ADCY3: variants seen among roughly 807,000 people sequenced by gnomAD.
ADCY3 encodes adenylate cyclase 3.
In ADCY3, 70 loss-of-function variants were observed where a neutral mutation model predicts 119.4. The ratio of observed to expected loss-of-function variants is 0.59; its 90% confidence interval spans 0.48 to 0.72. The LOEUF is 0.72. ADCY3 is among the 30% of genes least tolerant of loss of function. ADCY3 has a pLI of 0.00. For synonymous variants in ADCY3, 672 were observed against 621.4 expected, an observed-to-expected ratio of 1.08 and a Z score of -1.21; for missense variants, 1,238 against 1,541.6, an observed-to-expected ratio of 0.80 and a Z score of 3.30.
chr2:24,830,932 C>CA, intron 12 of ADCY3, 107 bp from the exon 13 acceptor site: 1 of 855,730 alleles, frequency 1.2e-6, no homozygotes, highest in African/African-American at 1.7e-5. Context: ...CCAGGAGCCT[C>CA]AAAACGGACT....
intron 13 of ADCY3, among the ~76,000 whole-genome samples, chr2:24,829,622 CT>C (rs1362581979): frequency 2.7e-5 from 4 of 150,902 alleles, no homozygotes. Flanking sequence ...GGGGTTTCAA[CT>C]GTGTTAGCCA....
At chr2:24,868,414 C>T (rs1572937858) in intron 3 of ADCY3, among the ~76,000 whole-genome samples, 1 of 152,208 alleles carries the variant, frequency 6.6e-6, no homozygotes, top group South Asian at 2.1e-4. Flanking sequence ...GGGCTCACGC[C>T]TGTAATCCCA....
At chr2:24,825,334 C>CGGGGGGGGGGGGGGGG (rs768838126) in intron 16 of ADCY3, among the ~76,000 whole-genome samples, 2 of 81,574 alleles carry the variant, frequency 2.5e-5, no homozygotes, top group African/African-American at 1.4e-4. Flanking sequence ...GTGGTTGTGG[C>CGGGGGGGGGGGGGGGG]GGGGGGGGGG....
chr2:24,838,639 G>C lies in ADCY3; in HGVS notation c.1356-17C>G. 5 of 1,613,102 alleles carry C rather than the reference G, an allele frequency of 3.1e-6. No individual in the cohort carries two copies. The highest frequency in any genetic ancestry group is 4.2e-6 in the Non-Finnish European group (5 of 1,179,824). On this transcript the variant is annotated splice_polypyrimidine_tract_variant and intron_variant, in intron 7 of 21. Transcript: ENST00000679454. ...TGCACGCGCCTGGATTGCAGAGAGA[G>C]AGGCCCTGAGCGTCGGCCAGAGGTG...
chr2:24,857,287 G>A (rs1257795017), intron 3 of ADCY3, among the ~76,000 whole-genome samples: 1 of 152,250 alleles, frequency 6.6e-6, no homozygotes, highest in Non-Finnish European at 1.5e-5. Flanking sequence ...AGATGGCCAC[G>A]TGTGTGGTAC....
intron 2 of ADCY3, among the ~76,000 whole-genome samples, chr2:24,900,453 A>C (rs1343458800): frequency 6.6e-6 from 1 of 152,132 alleles, no homozygotes; most frequent in Non-Finnish European, 1.5e-5. Context: ...TGGGGGGGCC[A>C]TACCCCCAAT....
chr2:24,853,013 T>G (rs998556336), intron 3 of ADCY3, among the ~76,000 whole-genome samples: 2 of 11,388 alleles, frequency 1.8e-4, no homozygotes, highest in African/African-American at 8.1e-4. Flanking sequence ...AGGGTGTGTG[T>G]GTGTGTGTGT....
At chr2:24,855,837 C>G (rs750519106) in intron 3 of ADCY3, among the ~76,000 whole-genome samples, 1 of 152,144 alleles carries the variant, frequency 6.6e-6, no homozygotes, top group Admixed American at 6.5e-5. Flanking sequence ...GCTTCTCACC[C>G]CAGGGCAATC....
In ADCY3 at chr2:24,908,096, C is replaced by G. The variant is rs180956333; in HGVS notation, c.675+10217G>C. Among the ~76,000 whole-genome samples, 584 of 152,256 alleles carry G rather than the reference C, an allele frequency of 3.8e-3. 4 individuals are homozygous for G. Among genetic ancestry groups the G allele is most frequent in the African/African-American group, 0.013 (554 of 41,530 alleles). On this transcript the variant is annotated intron_variant, in intron 2 of 21. Coordinates refer to ENST00000679454, the MANE Select transcript of ADCY3 (RefSeq NM_004036.5). ...CAGCACTTTGGAAGGCCAAGGTGGG[C>G]AGATCACCTGAGGTCAGGAATTCAA...
At chr2:24,822,320 T>G in intron 19 of ADCY3, 191 bp downstream of exon 19, 1 of 748,890 alleles carries the variant, frequency 1.3e-6, no homozygotes, top group Non-Finnish European at 2.1e-6. Context: ...GGGTTGTGTG[T>G]CTGTTCTGTT....
chr2:24,853,846 T>C (rs988967025), intron 3 of ADCY3, among the ~76,000 whole-genome samples: 1 of 152,220 alleles, frequency 6.6e-6, no homozygotes, highest in Non-Finnish European at 1.5e-5. Flanking sequence ...TCAATGCCCA[T>C]CACTGAACAT....
chr2:24,898,949 C>T lies in ADCY3; in HGVS notation c.675+19364G>A, dbSNP rs1207646174. On this transcript the variant is annotated intron_variant, in intron 2 of 21. Transcript: ENST00000679454. The surrounding 1 kb of genome is among the most constrained non-coding windows in gnomAD (Gnocchi z 4.3). ...AGGTGACCTGCCCTCCCTCCAGCTC[C>T]ACCACCATTCTCCCTGTTCTCACCA... is the stretch of plus-strand genomic sequence containing the variant. 6.6e-6 allele frequency among the ~76,000 whole-genome samples: 1 copy of T among 152,154 alleles called. No individual in the cohort carries two copies. The highest frequency in any genetic ancestry group is 2.4e-5 in the African/African-American group (1 of 41,432).
intron 2 of ADCY3, among the ~76,000 whole-genome samples, chr2:24,904,367 T>G (rs1679240089): frequency 6.6e-6 from 1 of 151,874 alleles, no homozygotes; most frequent in South Asian, 2.1e-4. Context: ...CCATCTCTAC[T>G]AAAAATACAA....
At chr2:24,835,056 C>G (rs144366644) in intron 9 of ADCY3, 120 bp from the exon 10 acceptor site, 2 of 1,298,030 alleles carry the variant, frequency 1.5e-6, no homozygotes, top group Non-Finnish European at 2.1e-6. Context: ...GGACCAATCC[C>G]TCCAGCTCTA....
At chr2:24,868,153 A>C (rs1674525828) in intron 3 of ADCY3, among the ~76,000 whole-genome samples, 1 of 152,344 alleles carries the variant, frequency 6.6e-6, no homozygotes, top group Non-Finnish European at 1.5e-5. Flanking sequence ...AAAGATAAAA[A>C]ACAACATAAT....
chr2:24,893,042 T>C (rs2148945768), intron 2 of ADCY3, among the ~76,000 whole-genome samples: 1 of 150,294 alleles, frequency 6.7e-6, no homozygotes, highest in East Asian at 1.9e-4. Flanking sequence ...TTTTTTTTTT[T>C]TTTTTTTTTG....
chr2:24,823,688 T>TA (rs1668151952), intron 17 of ADCY3, among the ~76,000 whole-genome samples: 2 of 101,566 alleles, frequency 2.0e-5, no homozygotes, highest in South Asian at 7.6e-4. Flanking sequence ...AGCTCATCGC[T>TA]ACTTTTTTTT....
intron 21 of ADCY3, 200 bp from the exon 22 acceptor site, chr2:24,820,314 G>C: frequency 7.7e-7 from 1 of 1,300,192 alleles, no homozygotes; most frequent in Non-Finnish European, 9.8e-7. Flanking sequence ...GTGACTGGCT[G>C]GGGGCCTCCT....
chr2:24,884,471 C>CTTTTTTTT (rs1201387570), intron 2 of ADCY3, among the ~76,000 whole-genome samples: 30 of 97,864 alleles, frequency 3.1e-4, no homozygotes, highest in African/African-American at 1.2e-3. Context: ...TTCTAATAAT[C>CTTTTTTTT]TTTTTTTTTT....
Sources: allele counts gnomAD v4.1 joint callset (sites outside exome capture counted in the v4.1 genomes callset), GRCh38; gene constraint gnomAD v4.1.1; non-coding constraint Gnocchi (gnomAD v3.1); transcripts MANE v1.5; gene names NCBI Gene and HGNC (gene_info 2026-07-23, HGNC 2026-07-21).